The following P2RY14 variants were observed in gnomAD, a reference collection of about 807,000 sequenced individuals.
P2RY14 encodes the protein purinergic receptor P2Y14, also known as P2Y purinoceptor 14.
P2RY14 carries 2 observed loss-of-function variants against 0.9 expected under a neutral mutation model. That is an observed-to-expected ratio of 2.16 (90% confidence interval 0.88 to 6.79). The LOEUF is 6.79. P2RY14 is among the 30% of genes most tolerant of loss of function. The pLI is 0.05. For missense variants in P2RY14, 378 were observed against 400.1 expected (o/e 0.94, Z 0.47); for synonymous variants, 158 against 147.2 (o/e 1.07, Z -0.53).
intron 1 of P2RY14, among the ~76,000 whole-genome samples, chr3:151,268,460 C>G (rs763764644): frequency 1.5e-4 from 23 of 152,194 alleles, no homozygotes; most frequent in Non-Finnish European, 7.3e-5. Context: ...ACTGGATTAT[C>G]CCTGCCCTAG....
At chr3:151,226,339 T>C (rs1037206792) in intron 1 of P2RY14, among the ~76,000 whole-genome samples, 1 of 152,214 alleles carries the variant, frequency 6.6e-6, no homozygotes. Flanking sequence ...GGAAAATGGA[T>C]GGCCTAAGCT....
chr3:151,251,672 GT>G (rs1432653839), intron 1 of P2RY14, among the ~76,000 whole-genome samples: 2 of 152,162 alleles, frequency 1.3e-5, no homozygotes, highest in Non-Finnish European at 2.9e-5. Context: ...ACACTCAATT[GT>G]TTGAACTCTC....
At chr3:151,273,475 T>C (rs1052604511) in intron 1 of P2RY14, among the ~76,000 whole-genome samples, 1 of 150,116 alleles carries the variant, frequency 6.7e-6, no homozygotes, top group African/African-American at 2.5e-5. Flanking sequence ...ACTTCTGACC[T>C]TGTGATCTGC....
chr3:151,249,519 ATT>A (rs1736429414), intron 1 of P2RY14, among the ~76,000 whole-genome samples: 1 of 152,066 alleles, frequency 6.6e-6, no homozygotes, highest in South Asian at 2.1e-4. Context: ...GAGAAGAGAT[ATT>A]GAAAGGACCC....
intron 1 of P2RY14, among the ~76,000 whole-genome samples, chr3:151,219,900 C>A (rs1015523947): frequency 1.2e-4 from 17 of 140,394 alleles, no homozygotes; most frequent in African/African-American, 4.5e-4. Flanking sequence ...TACCCCCCCC[C>A]CCCCCTTGGA....
At chr3:151,236,970 G>A (rs982334525) in intron 1 of P2RY14, among the ~76,000 whole-genome samples, 11 of 151,568 alleles carry the variant, frequency 7.3e-5, no homozygotes, top group South Asian at 2.1e-4. Flanking sequence ...AAAATTTCTC[G>A]TGGATATAAA....
intron 1 of P2RY14, among the ~76,000 whole-genome samples, chr3:151,268,407 C>T (rs777906462): frequency 9.2e-5 from 14 of 152,158 alleles, no homozygotes; most frequent in Admixed American, 2.0e-4. Flanking sequence ...TACTGCTCTC[C>T]ATTTTCTGTG....
At chr3:151,276,003 A>C (rs1320977982) in intron 1 of P2RY14, among the ~76,000 whole-genome samples, 6 of 152,182 alleles carry the variant, frequency 3.9e-5, no homozygotes, top group Non-Finnish European at 7.3e-5. Context: ...CCTTCTTAGC[A>C]TCCAGTATGA....
chr3:151,245,301 G>A lies in P2RY14; in HGVS notation c.-132-25659C>T, dbSNP rs1216347466. Among the ~76,000 whole-genome samples the A allele has an allele frequency of 3.9e-5, 6 of 152,140 alleles. No homozygotes were observed. In the South Asian group the frequency reaches 8.3e-4, roughly 21 times the overall value. ...AGCATCATTCTGATACCAAAGCTGG[G>A]CAGAGACACAACCAACAAAGAGAAT... is the stretch of plus-strand genomic sequence containing the variant. On this transcript the variant is annotated intron_variant, in intron 1 of 2. Transcript: ENST00000309170.
At chr3:151,221,103 A>G (rs772448070) in intron 1 of P2RY14, among the ~76,000 whole-genome samples, 1 of 152,192 alleles carries the variant, frequency 6.6e-6, no homozygotes, top group Admixed American at 6.5e-5. Flanking sequence ...TTTAGCAAAG[A>G]GACTGGAGGC....
chr3:151,266,183 C>T (rs1389592540), intron 1 of P2RY14, among the ~76,000 whole-genome samples: 2 of 152,180 alleles, frequency 1.3e-5, no homozygotes, highest in African/African-American at 4.8e-5. Context: ...TGCCTCTGTG[C>T]CTTTGAGGAA....
intron 1 of P2RY14, among the ~76,000 whole-genome samples, chr3:151,268,253 TTA>T (rs10645730): frequency 4.0e-5 from 6 of 151,236 alleles, no homozygotes; most frequent in African/African-American, 1.2e-4. Context: ...CATTTATTAC[TTA>T]TATATATATA....
intron 1 of P2RY14, among the ~76,000 whole-genome samples, chr3:151,251,678 ACT>A (rs1174914176): frequency 2.0e-5 from 3 of 151,916 alleles, no homozygotes; most frequent in Admixed American, 2.0e-4. Context: ...AATTGTTTGA[ACT>A]CTCTGTGAAT....
intron 1 of P2RY14, among the ~76,000 whole-genome samples, chr3:151,236,352 T>G (rs753883986): frequency 6.6e-6 from 1 of 152,238 alleles, no homozygotes; most frequent in Non-Finnish European, 1.5e-5. Flanking sequence ...GATATCCTTT[T>G]AAATCTCTGG....
intron 1 of P2RY14, among the ~76,000 whole-genome samples, chr3:151,244,343 C>A: frequency 1.6e-5 from 2 of 125,106 alleles, no homozygotes; most frequent in African/African-American, 2.7e-5. Flanking sequence ...CACACCTATT[C>A]CAAAATTGAC....
intron 1 of P2RY14, among the ~76,000 whole-genome samples, chr3:151,264,037 C>G (rs1490298139): frequency 6.6e-6 from 1 of 152,212 alleles, no homozygotes; most frequent in African/African-American, 2.4e-5. Flanking sequence ...TTTTCCATTT[C>G]AGTTTTTAAA....
At chr3:151,276,242 T>C (rs1388696610) in intron 1 of P2RY14, among the ~76,000 whole-genome samples, 1 of 152,206 alleles carries the variant, frequency 6.6e-6, no homozygotes, top group Non-Finnish European at 1.5e-5. Context: ...TTCTGTAGGT[T>C]TGGGGTCAAT....
intron 1 of P2RY14, among the ~76,000 whole-genome samples, chr3:151,250,311 AT>A (rs150629712): frequency 6.6e-6 from 1 of 152,124 alleles, no homozygotes; most frequent in Non-Finnish European, 1.5e-5. Context: ...CACCTTAACT[AT>A]TTTTAAGTGT....
At chr3:151,219,064 G>A (rs536930654) in intron 2 of P2RY14, among the ~76,000 whole-genome samples, 1 of 152,220 alleles carries the variant, frequency 6.6e-6, no homozygotes, top group South Asian at 2.1e-4. Context: ...GAACATGGCA[G>A]AATGAGATTT....
Sources: gnomAD v4.1 joint callset for allele counts (sites outside exome capture counted in the v4.1 genomes callset) on GRCh38, gnomAD v4.1.1 for gene constraint, MANE v1.5 for transcripts, NCBI Gene and HGNC (gene_info 2026-07-23, HGNC 2026-07-21) for gene names.